The following AP3B1 variants were observed in gnomAD, a reference collection of about 807,000 sequenced individuals.
AP3B1 encodes adaptor related protein complex 3 subunit beta 1, also known as AP-3 complex subunit beta-1.
In AP3B1, 61 loss-of-function variants were observed where a neutral mutation model predicts 132.5. The ratio of observed to expected loss-of-function variants is 0.46; its 90% CI spans 0.37 to 0.57. AP3B1 has a LOEUF of 0.57. AP3B1 is among the 20% of genes least tolerant of loss of function. AP3B1 has a pLI of 0.00. For synonymous variants in AP3B1, 388 were observed against 438.3 expected, an observed-to-expected ratio of 0.89 and a Z score of 1.43; for missense variants, 1,120 against 1,289.4, an observed-to-expected ratio of 0.87 and a Z score of 2.01.
chr5:78,033,753 T>C (rs1747678338), intron 24 of AP3B1, among the ~76,000 whole-genome samples: 2 of 151,918 alleles, frequency 1.3e-5, no homozygotes, highest in Admixed American at 6.6e-5. Context: ...TAAAGCATTA[T>C]AGAAAAACAT....
chr5:78,279,680 A>G (rs1561217992), intron 1 of AP3B1, among the ~76,000 whole-genome samples: 1 of 151,690 alleles, frequency 6.6e-6, no homozygotes, highest in Admixed American at 6.6e-5. Flanking sequence ...ATGCGGAGGC[A>G]GGAAGATCGC....
chr5:78,224,347 A>C (rs1318764099), intron 6 of AP3B1, among the ~76,000 whole-genome samples: 2 of 152,046 alleles, frequency 1.3e-5, no homozygotes, highest in Non-Finnish European at 2.9e-5. Flanking sequence ...ATAAGACAAT[A>C]TTTTCAAAAA....
chr5:78,009,471 A>G lies in AP3B1; in HGVS notation c.3131+5939T>C, dbSNP rs190195736. On this transcript the variant is annotated intron_variant, in intron 26 of 26. Coordinates refer to ENST00000255194, the MANE Select transcript of AP3B1 (RefSeq NM_003664.5). ...GACCCTGTCTTAAAAGAAAAAAAAA[A>G]AGAAATGAAACAAGTTGTTCTTTAC... Among the ~76,000 whole-genome samples, 92 of 152,144 alleles carry G rather than the reference A, an allele frequency of 6.0e-4. 2 individuals are homozygous for G. Among genetic ancestry groups the G allele is most frequent in the Non-Finnish European group, 1.0e-4 (7 of 67,990 alleles).
chr5:78,267,724 C>A, intron 1 of AP3B1, 129 bp from the exon 2 acceptor site: 1 of 568,000 alleles, frequency 1.8e-6, no homozygotes, highest in Non-Finnish European at 3.0e-6. Flanking sequence ...AAGAAGGTGG[C>A]CATCTGCAGG....
intron 22 of AP3B1, among the ~76,000 whole-genome samples, chr5:78,081,450 G>GGCGCCCGCCACT (rs1473999277): frequency 6.6e-6 from 1 of 151,774 alleles, no homozygotes; most frequent in African/African-American, 2.4e-5. Context: ...TGGGACTACA[G>GGCGCCCGCCACT]GCGCCCGCCA....
At chr5:78,048,708 A>G (rs1266882616) in intron 22 of AP3B1, among the ~76,000 whole-genome samples, 6 of 152,194 alleles carry the variant, frequency 3.9e-5, no homozygotes, top group African/African-American at 1.4e-4. Context: ...TTTGAGCTGG[A>G]TGGTTCTTGA....
At chr5:78,192,712 G>T (rs1230705248) in intron 7 of AP3B1, among the ~76,000 whole-genome samples, 5 of 152,182 alleles carry the variant, frequency 3.3e-5, no homozygotes, top group African/African-American at 1.2e-4. Flanking sequence ...TGGGGCCTTT[G>T]AAAGGTGATT....
chr5:78,015,641 T>A, intron 25 of AP3B1, 93 bp from the exon 26 acceptor site: 1 of 1,304,608 alleles, frequency 7.7e-7, no homozygotes, highest in Non-Finnish European at 1.1e-6. Flanking sequence ...TTTAACTTTT[T>A]TTCAACAAAA....
Position 78,020,737 on chromosome 5 carries a change from G to A in AP3B1, c.2947C>T (p.Leu983Phe), listed in dbSNP as rs745653147. 1 of 1,612,696 alleles carries A rather than the reference G, an allele frequency of 6.2e-7. No individual in the cohort carries two copies. The highest frequency in any genetic ancestry group is 1.1e-5 in the South Asian group (1 of 91,052). The change falls in exon 25 of 27, where the codon CTT becomes TTT. Residue 983 changes from leucine (L) to phenylalanine (F), a missense_variant. Coordinates refer to ENST00000255194, the MANE Select transcript of AP3B1 (RefSeq NM_003664.5). ...VNIQPPVGELLLPVAMSEKDF... is the reference protein window; with the variant it reads ...VNIQPPVGELFLPVAMSEKDF... The stretch of plus-strand genomic sequence containing the variant: ...TTCTCTGACATGGCCACAGGTAAAA[G>A]CAGTTCTCCAACAGGTGGCTGAATA...
At chr5:78,063,531 C>G (rs1399691447) in intron 22 of AP3B1, among the ~76,000 whole-genome samples, 1 of 152,202 alleles carries the variant, frequency 6.6e-6, no homozygotes, top group Non-Finnish European at 1.5e-5. Flanking sequence ...CAATTATTTT[C>G]TTTACATCTA....
At chr5:78,025,012 GT>G (rs1444258258) in intron 24 of AP3B1, among the ~76,000 whole-genome samples, 1 of 151,782 alleles carries the variant, frequency 6.6e-6, no homozygotes, top group Non-Finnish European at 1.5e-5. Context: ...ATTTTTGTAT[GT>G]TTTAGTAAAA....
intron 14 of AP3B1, among the ~76,000 whole-genome samples, chr5:78,147,732 A>C (rs1387939971): frequency 1.3e-5 from 2 of 152,192 alleles, no homozygotes; most frequent in Non-Finnish European, 2.9e-5. Context: ...TAGTCCAGCA[A>C]CTGTTGAGAA....
At chr5:78,264,471 G>A (rs894399996) in intron 2 of AP3B1, among the ~76,000 whole-genome samples, 1 of 152,142 alleles carries the variant, frequency 6.6e-6, no homozygotes, top group Non-Finnish European at 1.5e-5. Flanking sequence ...GTATTCCAGA[G>A]ACTACATTGG....
At chr5:78,190,583 C>G (rs1033805035) in intron 7 of AP3B1, among the ~76,000 whole-genome samples, 1 of 152,166 alleles carries the variant, frequency 6.6e-6, no homozygotes, top group African/African-American at 2.4e-5. Flanking sequence ...TCTGGACACA[C>G]CAGTTCAATA....
chr5:78,104,271 T>C (rs1283928177), intron 20 of AP3B1, among the ~76,000 whole-genome samples: 1 of 152,174 alleles, frequency 6.6e-6, no homozygotes, highest in African/African-American at 2.4e-5. Flanking sequence ...CTTAAACTTG[T>C]GCTTTAAAAC....
chr5:78,165,548 A>C (rs1295352489), intron 12 of AP3B1, 62 bp downstream of exon 12: 31 of 1,087,302 alleles, frequency 2.9e-5, no homozygotes, highest in Non-Finnish European at 4.4e-5. Flanking sequence ...ATAGAAAAAG[A>C]TGCATATTTA....
chr5:78,062,165 T>C (rs762281925), intron 22 of AP3B1, among the ~76,000 whole-genome samples: 4 of 152,164 alleles, frequency 2.6e-5, no homozygotes, highest in African/African-American at 4.8e-5. Context: ...CTGATTGCTA[T>C]CAACTTTCTC....
Position 78,284,849 on chromosome 5 carries a change from A to C in AP3B1, c.128+9603T>G, listed in dbSNP as rs114592185. Among the ~76,000 whole-genome samples the C allele has an allele frequency of 3.4e-3, 516 of 152,304 alleles. 6 individuals carry two copies. The highest frequency in any genetic ancestry group is 0.011 in the African/African-American group (471 of 41,548). On this transcript the variant is annotated intron_variant, in intron 1 of 26. Transcript: ENST00000255194. ...TCTCTCCTCTACATCAGTTGGTTCC[A>C]TCAGCAAACAAGATAATACAGTTTC... is the stretch of plus-strand genomic sequence containing the variant.
At chr5:78,105,263 AGTGGACTAACAAC>A (rs59076644) in intron 20 of AP3B1, among the ~76,000 whole-genome samples, 26,060 of 152,066 alleles carry the variant, frequency 0.17, 2,819 homozygotes, top group Admixed American at 0.28. Context: ...AGGTGCGAAT[AGTGGACTAACAAC>A]GTAGCTGAAA....
Sources: gnomAD v4.1 joint callset for allele counts (sites outside exome capture counted in the v4.1 genomes callset) on GRCh38, gnomAD v4.1.1 for gene constraint, MANE v1.5 for transcripts, NCBI Gene and HGNC (gene_info 2026-07-23, HGNC 2026-07-21) for gene names.